The following KLF12 variants were observed in gnomAD, a reference collection of about 807,000 sequenced individuals.
The protein encoded by KLF12 is Krueppel-like factor 12.
Under a neutral mutation model 37.8 loss-of-function variants are expected in KLF12, and 9 were observed. That is an observed-to-expected ratio of 0.24 (90% CI 0.14 to 0.42). The LOEUF is 0.42. Ranked by LOEUF, KLF12 falls within the 10% of genes least tolerant of loss-of-function variation. The pLI is 1.00. For missense variants in KLF12, 411 were observed against 516.0 expected (o/e 0.80, Z 1.97); for synonymous variants, 208 against 202.1 (o/e 1.03, Z -0.25).
intron 1 of KLF12, among the ~76,000 whole-genome samples, chr13:74,007,767 C>A (rs1165566713): frequency 6.6e-6 from 1 of 151,990 alleles, no homozygotes; most frequent in Non-Finnish European, 1.5e-5. Flanking sequence ...AGTATCATCA[C>A]TGATTTTCGT....
chr13:74,024,097 A>G (rs1034274806), intron 1 of KLF12, among the ~76,000 whole-genome samples: 8 of 152,206 alleles, frequency 5.3e-5, no homozygotes, highest in African/African-American at 1.7e-4. Context: ...ATGCCCCTAA[A>G]AATTCATACG....
the KLF12 span, among the ~76,000 whole-genome samples, chr13:74,151,604 G>C: frequency 6.6e-6 from 1 of 152,076 alleles, no homozygotes; most frequent in African/African-American, 2.4e-5. Context: ...AGTGAGCTGA[G>C]ATCGCACCAC....
At chr13:73,873,230 G>T (rs921933499) in intron 3 of KLF12, among the ~76,000 whole-genome samples, 22 of 151,934 alleles carry the variant, frequency 1.4e-4, no homozygotes, top group African/African-American at 5.1e-4. Context: ...AGAATTCAGA[G>T]AAATCACTTA....
chr13:73,747,110 C>G (rs1292029486), intron 6 of KLF12, among the ~76,000 whole-genome samples: 1 of 152,158 alleles, frequency 6.6e-6, no homozygotes, highest in African/African-American at 2.4e-5. Context: ...AGCCACTACT[C>G]CTGGCATTTT....
chr13:74,180,620 G>T, the KLF12 span, among the ~76,000 whole-genome samples: 1 of 152,182 alleles, frequency 6.6e-6, no homozygotes, highest in South Asian at 2.1e-4. Context: ...AATCTTGATG[G>T]ATAGAGGCAA....
intron 3 of KLF12, among the ~76,000 whole-genome samples, chr13:73,916,208 T>TACACACACACACAC (rs67011700): frequency 9.1e-6 from 1 of 109,872 alleles, no homozygotes; most frequent in Non-Finnish European, 2.1e-5. Context: ...AGCTAATACT[T>TACACACACACACAC]ACACACACAC....
intron 2 of KLF12, among the ~76,000 whole-genome samples, chr13:73,955,500 C>T (rs1410159066): frequency 6.6e-6 from 1 of 152,050 alleles, no homozygotes; most frequent in African/African-American, 2.4e-5. Flanking sequence ...ATGTACACAC[C>T]GATTACACAG....
chr13:74,155,476 C>T, the KLF12 span, among the ~76,000 whole-genome samples: 2 of 152,024 alleles, frequency 1.3e-5, no homozygotes, highest in African/African-American at 2.4e-5. Context: ...ATTCTCCTGC[C>T]TCAGCATCCC....
intron 4 of KLF12, among the ~76,000 whole-genome samples, chr13:73,815,867 G>C (rs17071082): frequency 1.3e-5 from 2 of 152,168 alleles, no homozygotes; most frequent in East Asian, 3.9e-4. Flanking sequence ...TTGTATGAAA[G>C]ATTCCAAAAC....
At chr13:73,803,161 TAA>T (rs754421682) in intron 5 of KLF12, among the ~76,000 whole-genome samples, 13 of 152,332 alleles carry the variant, frequency 8.5e-5, no homozygotes, top group African/African-American at 2.9e-4. Context: ...CATGAGTAGA[TAA>T]AGAGATTCAG....
intron 3 of KLF12, among the ~76,000 whole-genome samples, chr13:73,902,302 T>G (rs552965460): frequency 6.6e-6 from 1 of 152,284 alleles, no homozygotes; most frequent in South Asian, 2.1e-4. Context: ...GAGGCAGGCA[T>G]TATATTTCTC....
At chr13:73,899,736 C>T (rs565888643) in intron 3 of KLF12, among the ~76,000 whole-genome samples, 1 of 152,298 alleles carries the variant, frequency 6.6e-6, no homozygotes, top group South Asian at 2.1e-4. Context: ...CACCCTTCTT[C>T]TCCTGCTCCC....
chr13:73,693,112 A>G lies in KLF12; in HGVS notation c.*2378T>C, dbSNP rs1454344865. 1.3e-5 allele frequency: 2 copies of G among 152,112 alleles called. No homozygotes were observed. Among genetic ancestry groups the G allele is most frequent in the African/African-American group, 4.8e-5 (2 of 41,410 alleles). 9.4% of individuals were successfully genotyped at this position (152,112 alleles called of 1,614,324 possible). A position where few individuals can be genotyped will look rare whatever the true frequency, so the allele number is the denominator to read the frequency against. On this transcript the variant is annotated 3_prime_UTR_variant, in exon 8 of 8. Coordinates refer to ENST00000377669, the MANE Select transcript of KLF12 (RefSeq NM_007249.5). ...TATGAGAGCAAGCAGGACTAAATAC[A>G]AATCTACACTTCACTTGAGAGATGC...
chr13:73,851,988 T>C (rs544444378), intron 3 of KLF12, among the ~76,000 whole-genome samples: 1 of 152,258 alleles, frequency 6.6e-6, no homozygotes, highest in African/African-American at 2.4e-5. Flanking sequence ...GTAAATGAAA[T>C]GGTTTTAAGA....
At chr13:74,259,032 G>GT in the KLF12 span, 1 of 152,338 alleles carries the variant, frequency 6.6e-6, no homozygotes, top group East Asian at 1.9e-4. Flanking sequence ...GCTAATTTCC[G>GT]TGCTTCACTG....
chr13:74,020,947 A>G (rs1008179758), intron 1 of KLF12, among the ~76,000 whole-genome samples: 4 of 151,794 alleles, frequency 2.6e-5, no homozygotes, highest in Non-Finnish European at 5.9e-5. Context: ...CACTTCATTC[A>G]CAATTCTGAA....
intron 2 of KLF12, among the ~76,000 whole-genome samples, chr13:73,973,779 GA>G (rs907117258): frequency 2.6e-5 from 4 of 151,778 alleles, no homozygotes; most frequent in African/African-American, 9.7e-5. Flanking sequence ...TGCAAAGGAG[GA>G]AAAAGCACTC....
chr13:74,096,219 C>T (rs1468249675), intron 1 of KLF12, among the ~76,000 whole-genome samples: 1 of 152,192 alleles, frequency 6.6e-6, no homozygotes, highest in Non-Finnish European at 1.5e-5. Context: ...ATTCCAAAAG[C>T]TTTCCACAAA....
the KLF12 span, among the ~76,000 whole-genome samples, chr13:74,187,523 C>T: frequency 6.6e-6 from 1 of 152,030 alleles, no homozygotes; most frequent in Non-Finnish European, 1.5e-5. Context: ...ATATAGTAAT[C>T]ACTCACTAAA....
Sources: gnomAD v4.1 joint callset for allele counts (sites outside exome capture counted in the v4.1 genomes callset) on GRCh38, gnomAD v4.1.1 for gene constraint, MANE v1.5 for transcripts, NCBI Gene and HGNC (gene_info 2026-07-23, HGNC 2026-07-21) for gene names.